DOK6: variants seen among roughly 807,000 people sequenced by gnomAD.
DOK6 encodes the protein downstream of tyrosine kinase 6.
DOK6 carries 22 observed loss-of-function variants against 44.0 expected under a neutral mutation model. That is an observed-to-expected ratio of 0.50 (90% CI 0.36 to 0.71). The LOEUF is 0.71. Ranked by LOEUF, DOK6 falls within the 30% of genes least tolerant of loss-of-function variation. DOK6 has a pLI of 0.00. For synonymous variants in DOK6, 166 were observed against 145.5 expected, an observed-to-expected ratio of 1.14 and a Z score of -1.01; for missense variants, 340 against 416.4, an observed-to-expected ratio of 0.82 and a Z score of 1.60.
chr18:69,539,276 C>T (rs148616776), intron 1 of DOK6, among the ~76,000 whole-genome samples: 4 of 152,264 alleles, frequency 2.6e-5, no homozygotes, highest in African/African-American at 9.6e-5. Flanking sequence ...ACCAGATAGG[C>T]AAATCACTAG....
intron 4 of DOK6, among the ~76,000 whole-genome samples, chr18:69,683,847 A>G (rs1343393112): frequency 2.0e-5 from 3 of 152,230 alleles, no homozygotes; most frequent in Admixed American, 2.0e-4. Context: ...GAGAAGTCCT[A>G]TAATAATCTG....
At chr18:69,669,005 G>A (rs1368101258) in intron 3 of DOK6, among the ~76,000 whole-genome samples, 2 of 152,128 alleles carry the variant, frequency 1.3e-5, no homozygotes, top group Non-Finnish European at 2.9e-5. Flanking sequence ...TCAGTTCCCT[G>A]ATACTGTGGC....
At chr18:69,736,195 T>TA (rs1283741843) in intron 5 of DOK6, among the ~76,000 whole-genome samples, 1 of 152,224 alleles carries the variant, frequency 6.6e-6, no homozygotes, top group African/African-American at 2.4e-5. Context: ...GCCTAGGTTA[T>TA]AGTAGCTACT....
At chr18:69,802,899 C>G (rs892130425) in intron 7 of DOK6, among the ~76,000 whole-genome samples, 1 of 151,968 alleles carries the variant, frequency 6.6e-6, no homozygotes, top group Admixed American at 6.6e-5. Context: ...CTGACCAACA[C>G]AGAAGATAAA....
chr18:69,794,266 T>A (rs1980681250), intron 7 of DOK6, among the ~76,000 whole-genome samples: 1 of 152,198 alleles, frequency 6.6e-6, no homozygotes, highest in Non-Finnish European at 1.5e-5. Context: ...AAATTCCTTT[T>A]AGCTAGCTTT....
At chr18:69,618,284 G>GAATCA (rs1984360391) in intron 3 of DOK6, among the ~76,000 whole-genome samples, 1 of 152,142 alleles carries the variant, frequency 6.6e-6, no homozygotes, top group Non-Finnish European at 1.5e-5. Flanking sequence ...GAGCTCTTCC[G>GAATCA]AATCAATTGT....
chr18:69,674,564 C>G (rs546908997), intron 3 of DOK6, among the ~76,000 whole-genome samples: 2 of 151,634 alleles, frequency 1.3e-5, no homozygotes, highest in African/African-American at 4.9e-5. Context: ...CAAATGCACA[C>G]TCACACACAC....
intron 2 of DOK6, among the ~76,000 whole-genome samples, chr18:69,575,685 G>T (rs145297081): frequency 2.0e-5 from 3 of 152,124 alleles, no homozygotes; most frequent in East Asian, 3.9e-4. Flanking sequence ...AAACAGCAAA[G>T]GTTATAGTAA....
At chr18:69,418,874 T>C (rs1179743219) in intron 1 of DOK6, among the ~76,000 whole-genome samples, 1 of 152,080 alleles carries the variant, frequency 6.6e-6, no homozygotes. Flanking sequence ...TAAGAAATAG[T>C]AGTGGGGAAA....
At chr18:69,718,424 T>A (rs1986931785) in intron 5 of DOK6, among the ~76,000 whole-genome samples, 1 of 152,130 alleles carries the variant, frequency 6.6e-6, no homozygotes, top group Non-Finnish European at 1.5e-5. Context: ...AGAAGTAACA[T>A]TGAGAAATTT....
chr18:69,537,675 T>G (rs1273721462), intron 1 of DOK6, among the ~76,000 whole-genome samples: 1 of 152,204 alleles, frequency 6.6e-6, no homozygotes, highest in Non-Finnish European at 1.5e-5. Flanking sequence ...TGCAAACTTC[T>G]ACTTCAGTTC....
intron 3 of DOK6, among the ~76,000 whole-genome samples, chr18:69,651,477 C>A (rs144361691): frequency 2.7e-5 from 4 of 149,456 alleles, no homozygotes; most frequent in African/African-American, 9.9e-5. Flanking sequence ...ATCAGCCCCC[C>A]GCTCCTTTTT....
chr18:69,725,635 G>A (rs1223895028), intron 5 of DOK6, among the ~76,000 whole-genome samples: 1 of 152,050 alleles, frequency 6.6e-6, no homozygotes, highest in Non-Finnish European at 1.5e-5. Flanking sequence ...CTACAGGTGT[G>A]AGCCACCACA....
chr18:69,620,008 G>A (rs891635053), intron 3 of DOK6, among the ~76,000 whole-genome samples: 1 of 151,848 alleles, frequency 6.6e-6, no homozygotes, highest in Non-Finnish European at 1.5e-5. Context: ...TTGATTTTAT[G>A]TATTATTAAA....
intron 7 of DOK6, among the ~76,000 whole-genome samples, chr18:69,774,120 GAT>G (rs1198996015): frequency 3.4e-4 from 9 of 26,510 alleles, no homozygotes; most frequent in Non-Finnish European, 3.8e-4. Context: ...GATTTATATA[GAT>G]ATATATATGA....
intron 7 of DOK6, among the ~76,000 whole-genome samples, chr18:69,819,696 A>G (rs1272938984): frequency 6.6e-6 from 1 of 152,170 alleles, no homozygotes; most frequent in African/African-American, 2.4e-5. Flanking sequence ...GACCTTGAAA[A>G]GCATCATTTT....
chr18:69,835,255 G>A (rs142974755), intron 7 of DOK6, among the ~76,000 whole-genome samples: 2,670 of 152,212 alleles, frequency 0.018, 76 homozygotes, highest in African/African-American at 0.06. Context: ...GAGGTCAGGA[G>A]ATCAAGACCA....
intron 2 of DOK6, among the ~76,000 whole-genome samples, chr18:69,596,933 A>G (rs1195218318): frequency 1.3e-5 from 2 of 152,168 alleles, no homozygotes; most frequent in African/African-American, 4.8e-5. Context: ...GACTATGGAA[A>G]TGACTTCAGA....
intron 1 of DOK6, chr18:69,471,577 G>GT (rs373508332): frequency 0.25 from 34,834 of 139,710 alleles, 4,355 homozygotes; most frequent in South Asian, 0.39. Flanking sequence ...ATTTATGAGG[G>GT]TTTTTTTGTT....
Sources: gnomAD v4.1 joint callset for allele counts (sites outside exome capture counted in the v4.1 genomes callset) on GRCh38, gnomAD v4.1.1 for gene constraint, MANE v1.5 for transcripts, NCBI Gene and HGNC (gene_info 2026-07-23, HGNC 2026-07-21) for gene names.